KIFAP3: variants seen among roughly 807,000 people sequenced by gnomAD.
KIFAP3 encodes kinesin-associated protein 3.
Under a neutral mutation model 106.5 loss-of-function variants are expected in KIFAP3, and 68 were observed. The observed-to-expected ratio is 0.64, with a 90% confidence interval of 0.53 to 0.78. KIFAP3 has a LOEUF of 0.78. Ranked by LOEUF, KIFAP3 falls within the 30% of genes least tolerant of loss-of-function variation. The pLI is 0.00. For missense variants in KIFAP3, 780 were observed against 941.8 expected, an observed-to-expected ratio of 0.83 and a Z score of 2.25; for synonymous variants, 320 against 311.5, an observed-to-expected ratio of 1.03 and a Z score of -0.29.
At chr1:169,931,598 C>T (rs1028296841) in intron 19 of KIFAP3, among the ~76,000 whole-genome samples, 1 of 152,174 alleles carries the variant, frequency 6.6e-6, no homozygotes, top group Non-Finnish European at 1.5e-5. Context: ...TTTCATACCA[C>T]CAAATGTTAA....
At position 169,982,755 on chromosome 1, in the gene KIFAP3, A is replaced by G. The variant is rs749845522; in HGVS notation, c.1619T>C (p.Leu540Ser). 5 of 1,610,306 alleles carry G rather than the reference A, an allele frequency of 3.1e-6. No individual in the cohort carries two copies. The highest frequency in any genetic ancestry group is 4.2e-6 in the Non-Finnish European group (5 of 1,177,758). ...AACCAACTTATATTCTTTAAGAACC[A>G]ATTCCCAGTCTAAGTCTGGAATGGT... ...NLTIPDLDWELVLKEYKLVPY... is the reference protein window; with the variant it reads ...NLTIPDLDWESVLKEYKLVPY... Residue 540 changes from leucine (L) to serine (S), a missense_variant, in exon 14 of 20, where the codon TTG (leucine) becomes TCG (serine). Coordinates refer to ENST00000361580, the MANE Select transcript of KIFAP3 (RefSeq NM_014970.4).
chr1:169,996,683 C>T lies in KIFAP3; in HGVS notation c.1184-4428G>A, dbSNP rs181086630. On this transcript the variant is annotated intron_variant, in intron 10 of 19. Transcript: ENST00000361580. ...CAGGAGGCAGCAGAGGGAGTGAAAT[C>T]AATAATGCCAAATAAATGTAAGTTA... is the stretch of plus-strand genomic sequence containing the variant. Among the ~76,000 whole-genome samples the T allele has an allele frequency of 2.7e-3, 408 of 152,182 alleles. 4 individuals carry two copies. Among genetic ancestry groups the T allele is most frequent in the African/African-American group, 9.1e-3 (379 of 41,524 alleles).
chr1:170,054,196 G>A (rs1325356243), intron 2 of KIFAP3, among the ~76,000 whole-genome samples: 1 of 152,166 alleles, frequency 6.6e-6, no homozygotes, highest in East Asian at 1.9e-4. Context: ...GATATGAACA[G>A]ACACTTCTCA....
upstream of KIFAP3, among the ~76,000 whole-genome samples, chr1:170,076,134 A>G (rs1277511886): frequency 6.6e-6 from 1 of 152,212 alleles, no homozygotes; most frequent in African/African-American, 2.4e-5. Context: ...TATTTCGTTC[A>G]CTTTTGCATT....
chr1:170,016,515 A>G lies in KIFAP3; in HGVS notation c.1130T>C (p.Leu377Pro). The G allele has an allele frequency of 6.2e-7, 1 of 1,609,854 alleles. No homozygotes were observed. Among genetic ancestry groups the G allele is most frequent in the Non-Finnish European group, 8.5e-7 (1 of 1,178,190 alleles). The change falls in exon 10 of 20, where the codon CTG (leucine) becomes CCG (proline). Residue 377 changes from leucine to proline, a missense_variant. Around this residue, in one of 3 missense-constraint regions of KIFAP3, gnomAD observed 588 missense variants for 678.9 expected, o/e 0.87. Coordinates refer to ENST00000361580, the MANE Select transcript of KIFAP3 (RefSeq NM_014970.4). Reference protein sequence around the residue: ...LLLNLSFDTGLRNKMVQVGLL... With the variant: ...LLLNLSFDTGPRNKMVQVGLL... ...TCCAACTTGTACCATCTTATTCCTC[A>G]GTCCTGTGTCAAAGGATAGGTTTAG...
At chr1:170,084,084 C>T (rs542329281) in intron 1 of KIFAP3, among the ~76,000 whole-genome samples, 9 of 152,202 alleles carry the variant, frequency 5.9e-5, no homozygotes, top group South Asian at 4.2e-4. Flanking sequence ...CATTTAAAGA[C>T]GAATAATCCC....
chr1:169,975,512 T>C (rs969513166), intron 16 of KIFAP3, among the ~76,000 whole-genome samples: 1 of 152,174 alleles, frequency 6.6e-6, no homozygotes, highest in Non-Finnish European at 1.5e-5. Flanking sequence ...ATTGCAATAA[T>C]TTTTAATATG....
chr1:169,978,017 C>T, intron 16 of KIFAP3, 68 bp downstream of exon 16: 1 of 711,336 alleles, frequency 1.4e-6, no homozygotes, highest in Non-Finnish European at 2.2e-6. Context: ...AAAAAAAAAA[C>T]AACTCAAAGA....
chr1:170,083,284 C>T (rs1420021064), intron 1 of KIFAP3, among the ~76,000 whole-genome samples: 2 of 152,174 alleles, frequency 1.3e-5, no homozygotes, highest in African/African-American at 4.8e-5. Context: ...CAGAAGCCAT[C>T]ATCAGTTAGT....
chr1:169,985,109 G>A (rs1001019108), intron 11 of KIFAP3, among the ~76,000 whole-genome samples: 13 of 151,794 alleles, frequency 8.6e-5, no homozygotes, highest in African/African-American at 2.9e-4. Flanking sequence ...AGTTTTAAGA[G>A]ATAAGAAGGT....
chr1:170,028,956 TACTC>T (rs991067894), intron 8 of KIFAP3, among the ~76,000 whole-genome samples: 6 of 152,130 alleles, frequency 3.9e-5, no homozygotes, highest in Admixed American at 3.3e-4. Context: ...AGAAGACACA[TACTC>T]ACACAAACAT....
intron 17 of KIFAP3, among the ~76,000 whole-genome samples, chr1:169,971,855 T>C (rs1665940174): frequency 6.6e-6 from 1 of 151,948 alleles, no homozygotes; most frequent in Admixed American, 6.6e-5. Context: ...ATATAAAAAA[T>C]ACTCAAAATA....
intron 10 of KIFAP3, among the ~76,000 whole-genome samples, chr1:170,012,248 A>G (rs916147402): frequency 1.3e-5 from 2 of 152,144 alleles, no homozygotes; most frequent in Non-Finnish European, 2.9e-5. Flanking sequence ...GAAAAATTGT[A>G]TATAAAAATG....
intron 10 of KIFAP3, among the ~76,000 whole-genome samples, chr1:170,003,270 T>C (rs979059501): frequency 6.6e-6 from 1 of 152,206 alleles, no homozygotes; most frequent in African/African-American, 2.4e-5. Flanking sequence ...AGACCAAGTA[T>C]TGCTCTGTGG....
At chr1:170,076,220 C>T (rs1671906364), upstream of KIFAP3, among the ~76,000 whole-genome samples, 1 of 151,774 alleles carries the variant, frequency 6.6e-6, no homozygotes, top group African/African-American at 2.4e-5. Context: ...ACAATAGCAA[C>T]AACAACAACA....
intron 16 of KIFAP3, among the ~76,000 whole-genome samples, chr1:169,973,292 A>G (rs1056061295): frequency 6.7e-6 from 1 of 149,814 alleles, no homozygotes; most frequent in Non-Finnish European, 1.5e-5. Flanking sequence ...AATAAATTTT[A>G]AAATAAAAAT....
rs1355694649 is a variant in KIFAP3 at position 169,996,120 on chromosome 1, T to C, written c.1184-3865A>G. On this transcript the variant is annotated intron_variant, in intron 10 of 19. Coordinates refer to ENST00000361580, the MANE Select transcript of KIFAP3 (RefSeq NM_014970.4). ...GTCTAATTTCCAAAAGTAGGATGAT[T>C]CATTTTGCAGCCAGTCCTAATTCTG... Among the ~76,000 whole-genome samples the C allele has an allele frequency of 2.0e-5, 3 of 152,158 alleles. No individual in the cohort carries two copies. The East Asian group carries it at 5.8e-4, about 29-fold the overall frequency.
chr1:169,931,251 GA>G (rs1175885070), intron 19 of KIFAP3, among the ~76,000 whole-genome samples: 6 of 151,812 alleles, frequency 4.0e-5, no homozygotes, highest in African/African-American at 1.2e-4. Context: ...CATATTCAAG[GA>G]AAAAAATATA....
intron 19 of KIFAP3, among the ~76,000 whole-genome samples, chr1:169,933,399 GTCCTT>G (rs1233980801): frequency 6.6e-6 from 1 of 151,902 alleles, no homozygotes; most frequent in Non-Finnish European, 1.5e-5. Context: ...AGCTTTCTTG[GTCCTT>G]AAGACTATAT....
Sources: gnomAD v4.1 joint callset for allele counts (sites outside exome capture counted in the v4.1 genomes callset) on GRCh38, gnomAD v4.1.1 for gene constraint, gnomAD v4.1.1 regional missense constraint, MANE v1.5 for transcripts, NCBI Gene and HGNC (gene_info 2026-07-23, HGNC 2026-07-21) for gene names.